The following RAD51B variants were observed in gnomAD, a reference collection of about 807,000 sequenced individuals.
The protein encoded by RAD51B is DNA repair protein RAD51 homolog 2.
Under a neutral mutation model 42.2 loss-of-function variants are expected in RAD51B, and 38 were observed. That is an observed-to-expected ratio of 0.90 (90% CI 0.70 to 1.18). The LOEUF is 1.18. Among genes scored for constraint, RAD51B ranks in the 50% most tolerant of loss-of-function variants. The probability of loss-of-function intolerance (pLI) is 0.00; values close to 1 mark genes in which losing one functional copy is unlikely to be tolerated. For synonymous variants in RAD51B, 154 were observed against 145.2 expected (o/e 1.06, Z -0.43); for missense variants, 373 against 400.7 (o/e 0.93, Z 0.59).
chr14:68,554,588 A>C (rs886281392), intron 10 of RAD51B, among the ~76,000 whole-genome samples: 1 of 152,084 alleles, frequency 6.6e-6, no homozygotes, highest in Non-Finnish European at 1.5e-5. Flanking sequence ...CCCCACTGCA[A>C]ACTCCCTCCA....
At chr14:67,833,807 T>C (rs1267889286) in intron 3 of RAD51B, among the ~76,000 whole-genome samples, 1 of 152,262 alleles carries the variant, frequency 6.6e-6, no homozygotes, top group African/African-American at 2.4e-5. Flanking sequence ...GGTTTAGATA[T>C]AGTTGCTAGT....
At chr14:67,975,388 G>A (rs1260392449) in intron 7 of RAD51B, among the ~76,000 whole-genome samples, 2 of 152,138 alleles carry the variant, frequency 1.3e-5, no homozygotes, top group East Asian at 3.9e-4. Flanking sequence ...TCAAATTTCT[G>A]TTGGTCTCCT....
chr14:68,585,958 C>A (rs1890446333), intron 10 of RAD51B, among the ~76,000 whole-genome samples: 1 of 152,164 alleles, frequency 6.6e-6, no homozygotes, highest in Non-Finnish European at 1.5e-5. Context: ...GTCGCCAAGG[C>A]AACGGCTCAT....
intron 7 of RAD51B, among the ~76,000 whole-genome samples, chr14:67,953,604 G>T (rs1202908623): frequency 2.0e-5 from 3 of 152,070 alleles, no homozygotes; most frequent in Non-Finnish European, 4.4e-5. Flanking sequence ...TAAAATTAAG[G>T]GGCCATTGCA....
At chr14:68,333,603 T>C (rs1302676435) in intron 8 of RAD51B, among the ~76,000 whole-genome samples, 11 of 152,266 alleles carry the variant, frequency 7.2e-5, no homozygotes, top group Admixed American at 7.2e-4. Context: ...GCTATATTTA[T>C]TTTTATGTTT....
intron 7 of RAD51B, among the ~76,000 whole-genome samples, chr14:68,247,387 G>T (rs971068384): frequency 6.6e-6 from 1 of 152,124 alleles, no homozygotes; most frequent in Non-Finnish European, 1.5e-5. Flanking sequence ...CATAGAACTG[G>T]AAGGCATGGT....
intron 7 of RAD51B, among the ~76,000 whole-genome samples, chr14:68,109,437 C>T (rs911760466): frequency 2.0e-5 from 3 of 151,856 alleles, no homozygotes; most frequent in African/African-American, 4.8e-5. Context: ...TGTGAGTGTC[C>T]TACCCAAAGC....
At chr14:68,067,473 A>AAAAC (rs1555350216) in intron 7 of RAD51B, among the ~76,000 whole-genome samples, 204 of 150,404 alleles carry the variant, frequency 1.4e-3, no homozygotes, top group African/African-American at 4.9e-3. Context: ...CGGAAAAAAA[A>AAAAC]AAACAAAAAA....
At chr14:68,181,721 T>A (rs540419202) in intron 7 of RAD51B, among the ~76,000 whole-genome samples, 2 of 152,218 alleles carry the variant, frequency 1.3e-5, no homozygotes, top group Admixed American at 6.5e-5. Flanking sequence ...TGTCTACAGA[T>A]CCTTTCATCT....
intron 7 of RAD51B, among the ~76,000 whole-genome samples, chr14:68,204,764 A>T (rs1482441589): frequency 6.6e-6 from 1 of 152,246 alleles, no homozygotes; most frequent in Non-Finnish European, 1.5e-5. Flanking sequence ...GTATGTATCT[A>T]CAAATTATTT....
chr14:68,015,251 T>G (rs2075757972), intron 7 of RAD51B, among the ~76,000 whole-genome samples: 1 of 152,218 alleles, frequency 6.6e-6, no homozygotes, highest in Non-Finnish European at 1.5e-5. Flanking sequence ...TAAATCATTC[T>G]TTCATTCACT....
intron 7 of RAD51B, among the ~76,000 whole-genome samples, chr14:68,286,878 A>G (rs1421103225): frequency 6.6e-6 from 1 of 152,232 alleles, no homozygotes; most frequent in Non-Finnish European, 1.5e-5. Flanking sequence ...AGTTGGCTCA[A>G]TCCTCTGACT....
intron 8 of RAD51B, among the ~76,000 whole-genome samples, chr14:68,372,852 A>G (rs2083290483): frequency 6.6e-6 from 1 of 152,256 alleles, no homozygotes; most frequent in African/African-American, 2.4e-5. Context: ...AACATAATAC[A>G]TAAATACCAT....
chr14:68,617,476 C>G (rs962390495), intron 10 of RAD51B, among the ~76,000 whole-genome samples: 2 of 152,164 alleles, frequency 1.3e-5, no homozygotes, highest in Admixed American at 6.5e-5. Flanking sequence ...AAGCTTCACT[C>G]TGGGTATGAA....
At chr14:67,898,442 C>G (rs1396641598) in intron 7 of RAD51B, among the ~76,000 whole-genome samples, 2 of 152,102 alleles carry the variant, frequency 1.3e-5, no homozygotes, top group African/African-American at 4.8e-5. Context: ...GAGGAGGAAA[C>G]AGGGAGGTAT....
intron 7 of RAD51B, chr14:68,236,467 C>G (rs2080260336): frequency 6.6e-6 from 1 of 152,266 alleles, no homozygotes; most frequent in Non-Finnish European, 1.5e-5. Context: ...GCCCAGAACT[C>G]CTGGGCTCAA....
intron 7 of RAD51B, among the ~76,000 whole-genome samples, chr14:67,971,818 C>T (rs964327870): frequency 3.3e-5 from 5 of 151,878 alleles, no homozygotes; most frequent in African/African-American, 1.2e-4. Flanking sequence ...CATCACTCTG[C>T]TTTGCCTTAA....
At chr14:68,540,478 GACTT>G in intron 10 of RAD51B, 1 of 985,328 alleles carries the variant, frequency 1.0e-6, no homozygotes, top group Non-Finnish European at 1.2e-6. Flanking sequence ...GGAAATGAGA[GACTT>G]ATTTATTGCT....
In RAD51B at chr14:67,862,753, G is replaced by GCTT. The variant is rs147533065; in HGVS notation, c.316-2249_316-2247dup. Among the ~76,000 whole-genome samples the GCTT allele has an allele frequency of 9.0e-3, 1,363 of 151,952 alleles. 20 individuals are homozygous for GCTT. The highest frequency in any genetic ancestry group is 0.031 in the African/African-American group (1,288 of 41,428). On this transcript the variant is annotated intron_variant, in intron 4 of 10. Transcript: ENST00000471583. ...TATTATTTTTTAAAGATACAATTTGGCTTATTATTTTCATTATTATCATTG... is the reference window on the plus strand; with the variant it reads ...TATTATTTTTTAAAGATACAATTTGGCTTCTTATTATTTTCATTATTATCATTG...
Sources: gnomAD v4.1 joint callset for allele counts (sites outside exome capture counted in the v4.1 genomes callset) on GRCh38, gnomAD v4.1.1 for gene constraint, MANE v1.5 for transcripts, NCBI Gene and HGNC (gene_info 2026-07-23, HGNC 2026-07-21) for gene names.